Variants in SIMC1 observed in about 807,000 individuals in gnomAD.
SIMC1 encodes SUMO interacting motifs containing 1, also known as SUMO-interacting motif-containing protein 1.
In SIMC1, 55 loss-of-function variants were observed where a neutral mutation model predicts 82.3. The observed-to-expected ratio is 0.67, with a 90% CI of 0.54 to 0.84. SIMC1 has a LOEUF of 0.84. Among genes scored for constraint, SIMC1 ranks in the 40% least tolerant of loss-of-function variants. The probability of loss-of-function intolerance (pLI) is 0.00; values close to 1 mark genes in which losing one functional copy is unlikely to be tolerated. For missense variants in SIMC1, 915 were observed against 1,107.2 expected (o/e 0.83, Z 2.46); for synonymous variants, 353 against 426.3 (o/e 0.83, Z 2.12).
chr5:176,280,776 T>A (rs1437157493), intron 1 of SIMC1, among the ~76,000 whole-genome samples: 1 of 152,234 alleles, frequency 6.6e-6, no homozygotes, highest in Non-Finnish European at 1.5e-5. Context: ...TCTTCCGGCT[T>A]GTAGAGTTTC....
Position 176,290,852 on chromosome 5 carries a change from G to A in SIMC1, c.1328G>A (p.Gly443Glu), listed in dbSNP as rs1190707381. Reference protein sequence around the residue: ...AHVQSRTPQGGLYNRPCLHRL... With the variant: ...AHVQSRTPQGELYNRPCLHRL... ...GTACAATCACGAACACCACAAGGTG[G>A]GTTGTACAACAGACCATGCCTGCAT... The change falls in exon 2 of 10, where the codon GGG becomes GAG. Residue 443 changes from glycine to glutamate, a missense_variant. Transcript: ENST00000429602. 1.2e-6 allele frequency: 2 copies of A among 1,613,624 alleles called. No homozygotes were observed. The highest frequency in any genetic ancestry group is 1.7e-6 in the Non-Finnish European group (2 of 1,179,704).
rs1319191303 is a variant in SIMC1, at chr5:176,249,750, G to A, written c.129+11113G>A. ...TCCCAGCTACTCAGGAGGCTGAGGC[G>A]GGAGAATGGTGTGAACCCGGGAGGT... On this transcript the variant is annotated intron_variant, in intron 1 of 9. Transcript: ENST00000429602. Among the ~76,000 whole-genome samples the A allele has an allele frequency of 8.7e-5, 13 of 148,750 alleles. No individual in the cohort carries two copies. In the East Asian group the frequency reaches 1.2e-3, roughly 14 times the overall value.
intron 4 of SIMC1, chr5:176,308,816 C>T (rs1473144238): frequency 2.4e-6 from 3 of 1,228,638 alleles, no homozygotes; most frequent in Non-Finnish European, 3.6e-6. Context: ...GGAGGATCCA[C>T]AGCCTTACAC....
intron 1 of SIMC1, among the ~76,000 whole-genome samples, chr5:176,248,297 T>C (rs1265790903): frequency 3.3e-5 from 5 of 152,140 alleles, no homozygotes; most frequent in Admixed American, 3.3e-4. Context: ...CAGTGGTTTG[T>C]AGTTCTCCTT....
intron 9 of SIMC1, among the ~76,000 whole-genome samples, chr5:176,340,085 A>G (rs1298948217): frequency 6.6e-6 from 1 of 152,150 alleles, no homozygotes; most frequent in African/African-American, 2.4e-5. Context: ...GTTTAGGGGA[A>G]CTCTCAGCAT....
chr5:176,304,694 A>G (rs1224012374), intron 4 of SIMC1, among the ~76,000 whole-genome samples: 6 of 143,820 alleles, frequency 4.2e-5, no homozygotes, highest in Non-Finnish European at 7.6e-5. Context: ...CCCAGTCTGG[A>G]AAGTGAGGAG....
chr5:176,255,916 A>T (rs1400063568), intron 1 of SIMC1, among the ~76,000 whole-genome samples: 2 of 152,092 alleles, frequency 1.3e-5, no homozygotes, highest in East Asian at 3.8e-4. Context: ...TTATCACCTC[A>T]CCAAACAAAA....
intron 1 of SIMC1, among the ~76,000 whole-genome samples, chr5:176,251,293 G>A (rs1761642248): frequency 2.0e-5 from 3 of 152,220 alleles, no homozygotes. Flanking sequence ...GTGGGAGGCA[G>A]AGATTACAGC....
At chr5:176,250,096 C>G (rs558781563) in intron 1 of SIMC1, among the ~76,000 whole-genome samples, 1 of 152,240 alleles carries the variant, frequency 6.6e-6, no homozygotes, top group South Asian at 2.1e-4. Flanking sequence ...TTAGCTGTGT[C>G]CCAGAGATTC....
chr5:176,337,682 A>G (rs1362634203), intron 9 of SIMC1, among the ~76,000 whole-genome samples: 1 of 152,226 alleles, frequency 6.6e-6, no homozygotes, highest in East Asian at 1.9e-4. Context: ...TTGGCCTGTC[A>G]CTGCAGCATC....
At chr5:176,322,827 T>TC in intron 6 of SIMC1, 1 of 158,494 alleles carries the variant, frequency 6.3e-6, no homozygotes, top group Non-Finnish European at 1.4e-5. Flanking sequence ...GACCTGGGTT[T>TC]CTCTCCTCAG....
chr5:176,245,204 C>T (rs561846937), intron 1 of SIMC1, among the ~76,000 whole-genome samples: 2 of 152,292 alleles, frequency 1.3e-5, no homozygotes, highest in African/African-American at 4.8e-5. Flanking sequence ...GTAGAGTGAA[C>T]CCTTAATCCA....
At chr5:176,278,918 G>T (rs1305448066) in intron 1 of SIMC1, among the ~76,000 whole-genome samples, 2 of 151,544 alleles carry the variant, frequency 1.3e-5, no homozygotes, top group African/African-American at 4.8e-5. Flanking sequence ...TCTCTTTTTT[G>T]GTTGTGTCTC....
intron 4 of SIMC1, among the ~76,000 whole-genome samples, chr5:176,297,372 C>T (rs1242066872): frequency 6.6e-6 from 1 of 151,970 alleles, no homozygotes; most frequent in Non-Finnish European, 1.5e-5. Context: ...TGTGGTGGCA[C>T]ATGCCTGTAA....
Position 176,275,955 on chromosome 5 carries a change from C to A in SIMC1, c.130-13699C>A, listed in dbSNP as rs890000698. Among the ~76,000 whole-genome samples the A allele has an allele frequency of 4.6e-5, 7 of 151,600 alleles. No homozygotes were observed. In the East Asian group the frequency reaches 9.7e-4, roughly 21 times the overall value. The stretch of plus-strand genomic sequence containing the variant: ...TCTCTTTTTTGGTTGTGTCTCTGCC[C>A]GGCTTTGGTATCAGGATGATGCTGG... On this transcript the variant is annotated intron_variant, in intron 1 of 9. Coordinates refer to ENST00000429602, the MANE Select transcript of SIMC1 (RefSeq NM_001308195.2).
chr5:176,274,106 T>A (rs1379921197), intron 1 of SIMC1, among the ~76,000 whole-genome samples: 1 of 148,756 alleles, frequency 6.7e-6, no homozygotes, highest in Non-Finnish European at 1.5e-5. Flanking sequence ...GTTGAACTAG[T>A]TTACAGTCCC....
chr5:176,249,156 G>A (rs1268594776), intron 1 of SIMC1, among the ~76,000 whole-genome samples: 13 of 151,566 alleles, frequency 8.6e-5, no homozygotes, highest in African/African-American at 3.2e-4. Context: ...TCTATTGTTT[G>A]GAATCATTTC....
intron 7 of SIMC1, among the ~76,000 whole-genome samples, chr5:176,329,587 C>T (rs1369729487): frequency 6.6e-6 from 1 of 151,694 alleles, no homozygotes; most frequent in Non-Finnish European, 1.5e-5. Context: ...TCCATCCTCC[C>T]AGCTACTGGC....
chr5:176,325,443 T>C (rs974937836), intron 7 of SIMC1, among the ~76,000 whole-genome samples: 3 of 151,486 alleles, frequency 2.0e-5, no homozygotes, highest in Non-Finnish European at 4.4e-5. Flanking sequence ...CCCAGCACTT[T>C]GGGAGACCAA....
Sources: gnomAD v4.1 joint callset for allele counts (sites outside exome capture counted in the v4.1 genomes callset) on GRCh38, gnomAD v4.1.1 for gene constraint, MANE v1.5 for transcripts, NCBI Gene and HGNC (gene_info 2026-07-23, HGNC 2026-07-21) for gene names.